Variants in UCHL1 observed in about 807,000 individuals in gnomAD.
The protein encoded by UCHL1 is ubiquitin C-terminal hydrolase L1.
In UCHL1, 5 loss-of-function variants were observed where a neutral mutation model predicts 33.3. The observed-to-expected ratio is 0.15, with a 90% CI of 0.08 to 0.32. The LOEUF (loss-of-function observed/expected upper bound fraction) is 0.32, where lower values mean the gene tolerates loss of function less well. UCHL1 is among the 10% of genes least tolerant of loss of function. The pLI, the probability that UCHL1 is intolerant of heterozygous loss-of-function variation, is 1.00. For missense variants in UCHL1, 236 were observed against 280.0 expected (o/e 0.84, Z 1.12); for synonymous variants, 132 against 108.8 (o/e 1.21, Z -1.33).
intron 8 of UCHL1, among the ~76,000 whole-genome samples, chr4:41,266,226 C>CGTTTTTTTTTTTTTTTTTTTTTTTTTTTT (rs1554005212): frequency 7.3e-6 from 1 of 136,778 alleles, no homozygotes; most frequent in Non-Finnish European, 1.6e-5. Context: ...CTGGCTAAAA[C>CGTTTTTTTTTTTTTTTTTTTTTTTTTTTT]TTTTTTTTTT....
At position 41,267,997 on chromosome 4, in the gene UCHL1, A is replaced by G; in HGVS notation, c.596A>G (p.Lys199Arg). Residue 199 changes from lysine to arginine, a missense_variant, in exon 9 of 9, where the codon AAG becomes AGG. Physicochemically the swap from Lys to Arg is conservative, Grantham distance 26. Transcript: ENST00000284440. ...ATTTCTCCTTTCCAGGACGCTGCCAAGGTCTGCAGAGAATTCACCGAGCGT... is the reference window on the plus strand; with the variant it reads ...ATTTCTCCTTTCCAGGACGCTGCCAGGGTCTGCAGAGAATTCACCGAGCGT... ...SEDTLLKDAAKVCREFTEREQ... is the reference protein window; with the variant it reads ...SEDTLLKDAARVCREFTEREQ... 6.2e-7 allele frequency: 1 copy of G among 1,613,322 alleles called. No individual in the cohort carries two copies. The highest frequency in any genetic ancestry group is 8.5e-7 in the Non-Finnish European group (1 of 1,179,722).
Position 41,264,089 on chromosome 4 carries a change from C to G in UCHL1, c.527-14C>G. ...ATGCAGAGAAAATTGACATGCCTGGCTTCTTTGTTACAGATGGACGAATGC... is the reference window on the plus strand; with the variant it reads ...ATGCAGAGAAAATTGACATGCCTGGGTTCTTTGTTACAGATGGACGAATGC... On this transcript the variant is annotated splice_polypyrimidine_tract_variant and intron_variant, in intron 7 of 8. Coordinates refer to ENST00000284440, the MANE Select transcript of UCHL1 (RefSeq NM_004181.5). 6.2e-7 allele frequency: 1 copy of G among 1,614,210 alleles called. No individual in the cohort carries two copies. Among genetic ancestry groups the G allele is most frequent in the Non-Finnish European group, 8.5e-7 (1 of 1,180,018 alleles).
At chr4:41,263,520 G>A (rs1027318538) in intron 7 of UCHL1, among the ~76,000 whole-genome samples, 17 of 152,138 alleles carry the variant, frequency 1.1e-4, no homozygotes, top group Non-Finnish European at 2.2e-4. Flanking sequence ...CAAAGAGTAC[G>A]TCTGAAAAAG....
In UCHL1 at chr4:41,257,107, C is replaced by G. The variant is rs367604061; in HGVS notation, c.34-8C>G. 11 of 1,613,716 alleles carry G rather than the reference C, an allele frequency of 6.8e-6. No individual in the cohort carries two copies. In the African/African-American group the frequency reaches 9.3e-5, roughly 14 times the overall value. On this transcript the variant is annotated splice_polypyrimidine_tract_variant and splice_region_variant and intron_variant, in intron 1 of 8. Transcript: ENST00000284440. ...GGTTTTGCCTTTTTCTTTGCATTTGCCTTTCAGATGCTGAACAAAGTGAGT... is the reference window on the plus strand; with the variant it reads ...GGTTTTGCCTTTTTCTTTGCATTTGGCTTTCAGATGCTGAACAAAGTGAGT...
At chr4:41,267,844 TAAGCC>T in intron 8 of UCHL1, 138 bp from the exon 9 acceptor site, 4 of 772,686 alleles carry the variant, frequency 5.2e-6, no homozygotes, top group South Asian at 4.5e-5. Context: ...TTTTTTGCTT[TAAGCC>T]CTGGTTTTCA....
At position 41,257,702 on chromosome 4, in the gene UCHL1, T is replaced by C. The variant is rs1781003484; in HGVS notation, c.139T>C (p.Cys47Arg). The C allele has an allele frequency of 6.3e-7, 1 of 1,579,802 alleles. No individual in the cohort carries two copies. The highest frequency in any genetic ancestry group is 8.6e-7 in the Non-Finnish European group (1 of 1,166,430). The change falls in exon 3 of 9, where the codon TGC becomes CGC. Residue 47 changes from cysteine (C) to arginine (R), a missense_variant. Physicochemically the swap from Cys to Arg is radical, Grantham distance 180 (BLOSUM62 -3). Coordinates refer to ENST00000284440, the MANE Select transcript of UCHL1 (RefSeq NM_004181.5). The stretch of plus-strand genomic sequence containing the variant: ...TCTGGGCTCGGTGCCAGCGCCTGCC[T>C]GCGCGCTGCTGCTGCTGTTTCCCCT... Reference protein sequence around the residue: ...ESLGSVPAPACALLLLFPLTA... With the variant: ...ESLGSVPAPARALLLLFPLTA...
intron 6 of UCHL1, 57 bp from the exon 7 acceptor site, chr4:41,263,168 G>C: frequency 7.3e-7 from 1 of 1,374,544 alleles, no homozygotes; most frequent in South Asian, 1.2e-5. Flanking sequence ...TGAATTGCAA[G>C]ATAATTTTTA....
At chr4:41,258,125 C>G (rs758480409) in intron 3 of UCHL1, among the ~76,000 whole-genome samples, 2 of 152,198 alleles carry the variant, frequency 1.3e-5, no homozygotes, top group Non-Finnish European at 2.9e-5. Flanking sequence ...GTTTGCTTCT[C>G]AGACTCCCAC....
At chr4:41,263,577 A>G (rs1217009966) in intron 7 of UCHL1, among the ~76,000 whole-genome samples, 1 of 152,252 alleles carries the variant, frequency 6.6e-6, no homozygotes, top group Admixed American at 6.5e-5. Flanking sequence ...GAATCTGAAC[A>G]TGTTGGAATA....
At chr4:41,265,247 C>T (rs545683796) in intron 8 of UCHL1, among the ~76,000 whole-genome samples, 1 of 152,288 alleles carries the variant, frequency 6.6e-6, no homozygotes, top group East Asian at 1.9e-4. Flanking sequence ...AGTTTAAGGC[C>T]TGAGGTCAAG....
chr4:41,265,183 T>C (rs1008465257), intron 8 of UCHL1, among the ~76,000 whole-genome samples: 4 of 152,108 alleles, frequency 2.6e-5, no homozygotes, highest in Admixed American at 2.6e-4. Context: ...AGAAATCCTT[T>C]AATGACACAG....
intron 3 of UCHL1, among the ~76,000 whole-genome samples, chr4:41,259,211 A>T (rs577585041): frequency 1.8e-3 from 277 of 152,354 alleles, no homozygotes; most frequent in Non-Finnish European, 1.9e-3. Flanking sequence ...AAGCCGATTG[A>T]AAGAAAAGTT....
In UCHL1 at chr4:41,257,103, T is replaced by A; in HGVS notation, c.34-12T>A. On this transcript the variant is annotated splice_polypyrimidine_tract_variant and intron_variant, in intron 1 of 8. Transcript: ENST00000284440. The stretch of plus-strand genomic sequence containing the variant: ...GTTCGGTTTTGCCTTTTTCTTTGCA[T>A]TTGCCTTTCAGATGCTGAACAAAGT... 1.2e-6 allele frequency: 2 copies of A among 1,613,788 alleles called. No individual in the cohort carries two copies. The highest frequency in any genetic ancestry group is 1.7e-6 in the Non-Finnish European group (2 of 1,179,912).
intron 4 of UCHL1, 66 bp downstream of exon 4, chr4:41,260,863 T>C: frequency 6.2e-7 from 1 of 1,610,900 alleles, no homozygotes; most frequent in Admixed American, 1.7e-5. Flanking sequence ...CAGAAACAGC[T>C]GTTTTCCCGA....
chr4:41,259,507 T>G (rs926355935), intron 3 of UCHL1, among the ~76,000 whole-genome samples: 7 of 152,224 alleles, frequency 4.6e-5, no homozygotes, highest in African/African-American at 1.7e-4. Flanking sequence ...TTCTGCTAGT[T>G]GGAGTTTAAG....
chr4:41,267,347 C>T (rs964365935), intron 8 of UCHL1, among the ~76,000 whole-genome samples: 47 of 152,140 alleles, frequency 3.1e-4, no homozygotes, highest in African/African-American at 9.9e-4. Flanking sequence ...GGGTTCACGC[C>T]ATTCTCCTGC....
chr4:41,257,525 GCGCGCC>G, intron 2 of UCHL1, 78 bp from the exon 3 acceptor site: 8 of 1,372,334 alleles, frequency 5.8e-6, no homozygotes, highest in Non-Finnish European at 5.6e-6. Context: ...CGCGGAGGGC[GCGCGCC>G]TCCTGGCCCC....
At chr4:41,257,348 A>G in intron 2 of UCHL1, 2 of 926,006 alleles carry the variant, frequency 2.2e-6, no homozygotes, top group South Asian at 1.8e-5. Context: ...CCCCGTGGCG[A>G]GCGAGCGCCA....
rs574981509 is a variant in UCHL1 at position 41,262,114 on chromosome 4, T to C, written c.459+191T>C. On this transcript the variant is annotated intron_variant, in intron 6 of 8. Transcript: ENST00000284440. ...AAAAAGTTTTCTTCAGAAATTGTAT[T>C]GGTCATTGAAGTCTTGAGTAAATTC... Among the ~76,000 whole-genome samples, 15 of 152,360 alleles carry C rather than the reference T, an allele frequency of 9.8e-5. No homozygotes were observed. In the South Asian group the frequency reaches 1.2e-3, roughly 13 times the overall value.
Sources: allele counts gnomAD v4.1 joint callset (sites outside exome capture counted in the v4.1 genomes callset), GRCh38; gene constraint gnomAD v4.1.1; transcripts MANE v1.5; gene names NCBI Gene and HGNC (gene_info 2026-07-23, HGNC 2026-07-21).